SSU72L6: variants seen among roughly 807,000 people sequenced by gnomAD.
The protein encoded by SSU72L6 is SSU72 like 6, also known as RNA polymerase II subunit A C-terminal domain phosphatase SSU72 like protein 6.
the SSU72L6 span, chr7:124,477,072 T>C: frequency 1.7e-6 from 1 of 602,372 alleles, no homozygotes; most frequent in Non-Finnish European, 3.0e-6. Flanking sequence ...TTGTATTACT[T>C]TTGTACATAT....
the SSU72L6 span, among the ~76,000 whole-genome samples, chr7:124,477,646 T>TA: frequency 5.0e-3 from 663 of 133,018 alleles, 5 homozygotes; most frequent in African/African-American, 0.014. Flanking sequence ...AAAATTTAAA[T>TA]AAAAAAAAAA....
At chr7:124,476,694 C>T in the SSU72L6 span, 1 of 780,670 alleles carries the variant, frequency 1.3e-6, no homozygotes, top group Admixed American at 1.7e-5. Context: ...TTGATGTCAT[C>T]TTTACCTGTG....
chr7:124,477,257 A>G, the SSU72L6 span, among the ~76,000 whole-genome samples: 1 of 152,216 alleles, frequency 6.6e-6, no homozygotes. Context: ...CATTTTCCGG[A>G]TGAGCAAATG....
At chr7:124,476,986 G>GT in the SSU72L6 span, 5 of 696,384 alleles carry the variant, frequency 7.2e-6, no homozygotes, top group East Asian at 1.3e-4. Flanking sequence ...TCCTTCCTCG[G>GT]TAAGAACTTA....
chr7:124,476,809 G>T, the SSU72L6 span: 1 of 776,280 alleles, frequency 1.3e-6, no homozygotes, highest in Non-Finnish European at 2.4e-6. Flanking sequence ...TACCCTGGAA[G>T]GTGCCATCCT....
chr7:124,476,465 G>A, the SSU72L6 span: 11 of 780,520 alleles, frequency 1.4e-5, no homozygotes, highest in East Asian at 2.7e-4. Flanking sequence ...AAAGGGCTAA[G>A]TGTCCGGTCT....
chr7:124,477,577 T>C, the SSU72L6 span, among the ~76,000 whole-genome samples: 1 of 151,596 alleles, frequency 6.6e-6, no homozygotes, highest in African/African-American at 2.4e-5. Flanking sequence ...GAACTACATA[T>C]TATTGTAAAA....
chr7:124,477,031 G>T, the SSU72L6 span: 1 of 631,086 alleles, frequency 1.6e-6, no homozygotes. Context: ...ATTGTGAGAA[G>T]TATCTACAAA....
chr7:124,477,006 C>A, the SSU72L6 span: 1 of 658,936 alleles, frequency 1.5e-6, no homozygotes, highest in Non-Finnish European at 2.7e-6. Flanking sequence ...AGGCATGGGA[C>A]TTTAGTCCAG....
chr7:124,477,427 G>T, the SSU72L6 span, among the ~76,000 whole-genome samples: 1 of 151,554 alleles, frequency 6.6e-6, no homozygotes, highest in Non-Finnish European at 1.5e-5. Context: ...GACCAATGGA[G>T]TGTGGTATAT....
the SSU72L6 span, chr7:124,477,089 G>C: frequency 9.6e-5 from 57 of 594,826 alleles, 1 homozygote; most frequent in Admixed American, 3.3e-4. Context: ...ATATCACCTG[G>C]AAAGAGACTA....
At chr7:124,476,851 T>G in the SSU72L6 span, 1 of 768,378 alleles carries the variant, frequency 1.3e-6, no homozygotes, top group Non-Finnish European at 2.4e-6. Flanking sequence ...GATTTGCCAG[T>G]GCCTGCAGCA....
the SSU72L6 span, chr7:124,476,775 C>A: frequency 1.3e-6 from 1 of 780,130 alleles, no homozygotes; most frequent in Non-Finnish European, 2.4e-6. Flanking sequence ...AGCCTGTGCA[C>A]GTGATCAACA....
chr7:124,476,595 C>G, the SSU72L6 span: 3 of 780,548 alleles, frequency 3.8e-6, no homozygotes, highest in African/African-American at 5.1e-5. Context: ...ATAGAGAATG[C>G]TACACCCACA....
the SSU72L6 span, chr7:124,476,895 G>C: frequency 1.3e-6 from 1 of 764,716 alleles, no homozygotes; most frequent in Non-Finnish European, 2.4e-6. Flanking sequence ...TGGAGGAGCT[G>C]CTGTTGCAAA....
At chr7:124,477,078 C>T in the SSU72L6 span, 1 of 600,148 alleles carries the variant, frequency 1.7e-6, no homozygotes, top group African/African-American at 1.9e-5. Context: ...TACTTTTGTA[C>T]ATATCACCTG....
At chr7:124,477,038 CA>C in the SSU72L6 span, 8 of 621,852 alleles carry the variant, frequency 1.3e-5, no homozygotes, top group African/African-American at 1.5e-4. Flanking sequence ...GAAGTATCTA[CA>C]AAGACCTTCC....
the SSU72L6 span, chr7:124,476,941 G>T: frequency 1.3e-6 from 1 of 755,608 alleles, no homozygotes; most frequent in South Asian, 1.4e-5. Context: ...TCTTCACACC[G>T]TCTGCTTCTA....
At chr7:124,477,323 A>G in the SSU72L6 span, among the ~76,000 whole-genome samples, 1 of 152,196 alleles carries the variant, frequency 6.6e-6, no homozygotes. Context: ...CAGCAGATAA[A>G]TAACATTGTA....
Sources: gnomAD v4.1 joint callset for allele counts (sites outside exome capture counted in the v4.1 genomes callset) on GRCh38, gnomAD v4.1.1 for gene constraint, MANE v1.5 for transcripts, NCBI Gene and HGNC (gene_info 2026-07-23, HGNC 2026-07-21) for gene names.